Variants in SYT16 observed in about 807,000 individuals in gnomAD.
SYT16 encodes synaptotagmin-16.
SYT16 carries 42 observed loss-of-function variants against 61.4 expected under a neutral mutation model. That is an observed-to-expected ratio of 0.68 (90% CI 0.53 to 0.89). The LOEUF (loss-of-function observed/expected upper bound fraction) is 0.89, where lower values mean the gene tolerates loss of function less well. Ranked by LOEUF, SYT16 falls within the 40% of genes least tolerant of loss-of-function variation. SYT16 has a pLI of 0.00. For synonymous variants in SYT16, 314 were observed against 302.3 expected, an observed-to-expected ratio of 1.04 and a Z score of -0.40; for missense variants, 804 against 807.3, an observed-to-expected ratio of 1.00 and a Z score of 0.05.
intron 1 of SYT16, among the ~76,000 whole-genome samples, chr14:61,908,305 G>A (rs909315751): frequency 1.3e-5 from 2 of 152,162 alleles, no homozygotes; most frequent in South Asian, 2.1e-4. Flanking sequence ...AGTGATTCAC[G>A]AATTTGTCTG....
At chr14:61,863,077 A>G (rs538072219) in intron 1 of SYT16, among the ~76,000 whole-genome samples, 3 of 152,356 alleles carry the variant, frequency 2.0e-5, no homozygotes, top group East Asian at 3.9e-4. Context: ...AAGCTGCTAT[A>G]AACATTCATG....
At chr14:61,931,024 C>T (rs117531319) in intron 1 of SYT16, among the ~76,000 whole-genome samples, 126 of 152,298 alleles carry the variant, frequency 8.3e-4, no homozygotes, top group Middle Eastern at 3.4e-3. Context: ...TTTTAAGCTA[C>T]TAAGTTTGTG....
chr14:62,051,680 T>C (rs940557126), intron 3 of SYT16, among the ~76,000 whole-genome samples: 2 of 152,236 alleles, frequency 1.3e-5, no homozygotes, highest in Admixed American at 6.5e-5. Flanking sequence ...CTTTGGATTT[T>C]TAAAGGTTCA....
chr14:61,836,297 C>T (rs905417936), intron 1 of SYT16, among the ~76,000 whole-genome samples: 28 of 152,302 alleles, frequency 1.8e-4, no homozygotes, highest in African/African-American at 5.8e-4. Context: ...ACTTTACTGC[C>T]GGTGGCTGCT....
At chr14:61,846,525 C>A (rs564792416) in intron 1 of SYT16, among the ~76,000 whole-genome samples, 1 of 152,110 alleles carries the variant, frequency 6.6e-6, no homozygotes, top group East Asian at 1.9e-4. Flanking sequence ...TTTTTCCATC[C>A]CTTTATTTTC....
chr14:61,990,112 G>C (rs1198621281), intron 2 of SYT16, among the ~76,000 whole-genome samples: 1 of 152,136 alleles, frequency 6.6e-6, no homozygotes, highest in East Asian at 1.9e-4. Context: ...AACACCTGTA[G>C]ACTCCTTTGA....
At chr14:61,882,223 TA>T (rs1051172738) in intron 1 of SYT16, among the ~76,000 whole-genome samples, 1 of 152,120 alleles carries the variant, frequency 6.6e-6, no homozygotes, top group African/African-American at 2.4e-5. Flanking sequence ...CAAAGGATAA[TA>T]AACAAGAGAG....
chr14:62,099,891 C>G (rs1239298755), intron 7 of SYT16, among the ~76,000 whole-genome samples: 4 of 151,960 alleles, frequency 2.6e-5, no homozygotes, highest in African/African-American at 9.7e-5. Flanking sequence ...GTCTGTCTGT[C>G]TGTCTGTCTC....
chr14:62,061,586 C>T (rs2055826931), intron 3 of SYT16, among the ~76,000 whole-genome samples: 1 of 151,958 alleles, frequency 6.6e-6, no homozygotes, highest in African/African-American at 2.4e-5. Flanking sequence ...CATAAGGAAG[C>T]TAGTGCAGTT....
At chr14:61,987,744 C>T (rs11302757) in intron 2 of SYT16, among the ~76,000 whole-genome samples, 7,914 of 65,654 alleles carry the variant, frequency 0.12, 335 homozygotes, top group African/African-American at 0.21. Flanking sequence ...GATTTTTTTC[C>T]TTTTTTTTTT....
intron 3 of SYT16, among the ~76,000 whole-genome samples, chr14:62,009,554 G>A (rs2053361361): frequency 6.6e-6 from 1 of 152,114 alleles, no homozygotes; most frequent in Non-Finnish European, 1.5e-5. Flanking sequence ...ATTCTGCTTT[G>A]GATGTTGGGT....
At chr14:62,048,224 A>G (rs1362978540) in intron 3 of SYT16, among the ~76,000 whole-genome samples, 2 of 152,134 alleles carry the variant, frequency 1.3e-5, no homozygotes, top group Non-Finnish European at 2.9e-5. Flanking sequence ...TGTGTCTAGG[A>G]ATTTATCCAT....
At chr14:61,968,593 T>C (rs969503974) in intron 1 of SYT16, among the ~76,000 whole-genome samples, 2 of 152,216 alleles carry the variant, frequency 1.3e-5, no homozygotes, top group Non-Finnish European at 2.9e-5. Flanking sequence ...AGAAAGATGG[T>C]TTACTCCTAC....
At chr14:62,054,600 G>A (rs932642621) in intron 3 of SYT16, among the ~76,000 whole-genome samples, 2 of 151,054 alleles carry the variant, frequency 1.3e-5, no homozygotes, top group Non-Finnish European at 3.0e-5. Context: ...GGACTCAGGT[G>A]ATGTGCCTGC....
At chr14:62,100,360 T>G in intron 7 of SYT16, 34 bp from the exon 8 acceptor site, 2 of 1,516,632 alleles carry the variant, frequency 1.3e-6, no homozygotes, top group Non-Finnish European at 1.8e-6. Context: ...ATGTTTCTTA[T>G]CATCCCCACC....
intron 3 of SYT16, among the ~76,000 whole-genome samples, chr14:62,033,745 A>G (rs1183799844): frequency 2.6e-5 from 4 of 152,200 alleles, no homozygotes; most frequent in Non-Finnish European, 5.9e-5. Flanking sequence ...AGTTAAAACA[A>G]TAAAACTTTT....
chr14:61,833,409 C>T (rs1175423362), intron 1 of SYT16, among the ~76,000 whole-genome samples: 1 of 151,690 alleles, frequency 6.6e-6, no homozygotes, highest in African/African-American at 2.4e-5. Flanking sequence ...TTTCCTGCCT[C>T]AGCCTCCCGA....
At chr14:61,988,318 A>C (rs770859263) in intron 2 of SYT16, among the ~76,000 whole-genome samples, 9 of 152,326 alleles carry the variant, frequency 5.9e-5, no homozygotes, top group Non-Finnish European at 1.3e-4. Context: ...GTGCGAGAGC[A>C]GTGATAGTCT....
At chr14:61,944,653 A>T (rs941486348) in intron 1 of SYT16, among the ~76,000 whole-genome samples, 1 of 152,216 alleles carries the variant, frequency 6.6e-6, no homozygotes, top group African/African-American at 2.4e-5. Flanking sequence ...TTCCCTATTT[A>T]AAAAACAGTG....
Sources: gnomAD v4.1 joint callset for allele counts (sites outside exome capture counted in the v4.1 genomes callset) on GRCh38, gnomAD v4.1.1 for gene constraint, MANE v1.5 for transcripts, NCBI Gene and HGNC (gene_info 2026-07-23, HGNC 2026-07-21) for gene names.